The following VAPB variants were observed in gnomAD, a reference collection of about 807,000 sequenced individuals.
VAPB encodes the protein vesicle-associated membrane protein-associated protein B/C.
A neutral mutation model predicts 25.6 loss-of-function variants in VAPB; 7 were observed. That is an observed-to-expected ratio of 0.27 (90% CI 0.16 to 0.51). The LOEUF (loss-of-function observed/expected upper bound fraction) is 0.51. Among genes scored for constraint, VAPB ranks in the 20% least tolerant of loss-of-function variants. VAPB has a pLI of 0.97. For missense variants in VAPB, 266 were observed against 301.3 expected (o/e 0.88, Z 0.87); for synonymous variants, 112 against 109.2 (o/e 1.03, Z -0.16).
chr20:58,426,577 G>A (rs1175765725), intron 2 of VAPB, among the ~76,000 whole-genome samples: 1 of 152,164 alleles, frequency 6.6e-6, no homozygotes, highest in Non-Finnish European at 1.5e-5. Flanking sequence ...CAGAAGGGAG[G>A]CCTGCCAATA....
Position 58,449,797 on chromosome 20 carries a change from T to TC in VAPB, c.*5563dup. The TC allele has an allele frequency of 2.2e-6, 1 of 454,118 alleles. No individual in the cohort carries two copies. Among genetic ancestry groups the TC allele is most frequent in the Non-Finnish European group, 4.4e-6 (1 of 226,774 alleles). 28.1% of individuals were successfully genotyped at this position (454,118 alleles called of 1,614,324 possible). On this transcript the variant is annotated 3_prime_UTR_variant, in exon 6 of 6. Transcript: ENST00000475243. ...ATGGATGTGGGTGCAGGACAGATGC[T>TC]CGCTTGCTGGCCTGCTTTCCTGCTT...
intron 1 of VAPB, among the ~76,000 whole-genome samples, chr20:58,400,296 G>T (rs1600774716): frequency 6.6e-6 from 1 of 152,282 alleles, no homozygotes; most frequent in African/African-American, 2.4e-5. Context: ...GAGAACTTAA[G>T]TTTATTTTAG....
chr20:58,415,544 T>C (rs185205476), intron 1 of VAPB, among the ~76,000 whole-genome samples: 1 of 152,350 alleles, frequency 6.6e-6, no homozygotes, highest in East Asian at 1.9e-4. Context: ...GAATAGAAGA[T>C]TAAAAATGAT....
At chr20:58,393,966 AG>A (rs1349980771) in intron 1 of VAPB, among the ~76,000 whole-genome samples, 1 of 152,228 alleles carries the variant, frequency 6.6e-6, no homozygotes, top group Non-Finnish European at 1.5e-5. Flanking sequence ...TCCCGACCTC[AG>A]GTGATCCACC....
chr20:58,442,122 T>C (rs1989174796), intron 5 of VAPB, among the ~76,000 whole-genome samples: 1 of 152,176 alleles, frequency 6.6e-6, no homozygotes, highest in African/African-American at 2.4e-5. Flanking sequence ...TAGGCCTCTG[T>C]TTGCTAAACA....
Position 58,445,310 on chromosome 20 carries a change from C to T in VAPB, c.*1075C>T, listed in dbSNP as rs1989258355. The T allele has an allele frequency of 6.6e-6, 3 of 454,382 alleles. No homozygotes were observed. Among genetic ancestry groups the T allele is most frequent in the Non-Finnish European group, 1.3e-5 (3 of 226,728 alleles). 28.1% of individuals were successfully genotyped at this position (454,382 alleles called of 1,614,324 possible). On this transcript the variant is annotated 3_prime_UTR_variant, in exon 6 of 6. Transcript: ENST00000475243. Reference sequence around the variant, plus strand: ...GCCCAGGTCCAAGTCTGAGCCTGACCTCCCCTTGGGGACCTAGCCTGGAGT... The same window carrying T: ...GCCCAGGTCCAAGTCTGAGCCTGACTTCCCCTTGGGGACCTAGCCTGGAGT...
intron 5 of VAPB, among the ~76,000 whole-genome samples, chr20:58,443,142 T>C (rs1482346741): frequency 6.6e-6 from 1 of 152,202 alleles, no homozygotes; most frequent in Non-Finnish European, 1.5e-5. Flanking sequence ...TTTCATTTCT[T>C]ACATTTCCAT....
chr20:58,400,635 G>A (rs1988074671), intron 1 of VAPB, among the ~76,000 whole-genome samples: 1 of 152,144 alleles, frequency 6.6e-6, no homozygotes, highest in South Asian at 2.1e-4. Flanking sequence ...TTTCTGAGTA[G>A]ACTACATAGA....
intron 1 of VAPB, among the ~76,000 whole-genome samples, chr20:58,405,526 G>A (rs1446104822): frequency 2.6e-5 from 4 of 151,814 alleles, no homozygotes; most frequent in South Asian, 2.1e-4. Context: ...GTAGTGGCGC[G>A]ATCTCGGTTC....
chr20:58,394,375 T>A (rs1987896567), intron 1 of VAPB, among the ~76,000 whole-genome samples: 1 of 152,236 alleles, frequency 6.6e-6, no homozygotes, highest in African/African-American at 2.4e-5. Flanking sequence ...GTGCAGTAAT[T>A]ATCTTTCAGA....
chr20:58,389,540 T>G (rs1987732059), intron 1 of VAPB, 23 bp downstream of exon 1: 2 of 1,560,892 alleles, frequency 1.3e-6, no homozygotes, highest in Admixed American at 1.9e-5. Context: ...GGCCGCCACC[T>G]TCCTGCCCGC....
chr20:58,444,146 G>A lies in VAPB; in HGVS notation c.643G>A (p.Gly215Arg), dbSNP rs765382321. The change falls in exon 6 of 6, where the codon GGG (glycine) becomes AGG (arginine). Residue 215 changes from glycine to arginine, a missense_variant. Physicochemically the swap from Gly to Arg is moderately radical, Grantham distance 125. Coordinates refer to ENST00000475243, the MANE Select transcript of VAPB (RefSeq NM_004738.5). ...NSPISALAPTGKEEGLSTRLL... is the reference protein window; with the variant it reads ...NSPISALAPTRKEEGLSTRLL... ...CCCCATTTCAGCATTAGCCCCAACTGGGAAGGAAGAAGGCCTTAGCACCCG... is the reference window on the plus strand; with the variant it reads ...CCCCATTTCAGCATTAGCCCCAACTAGGAAGGAAGAAGGCCTTAGCACCCG... 6.2e-7 allele frequency: 1 copy of A among 1,614,200 alleles called. No individual in the cohort carries two copies. Among genetic ancestry groups the A allele is most frequent in the East Asian group, 2.2e-5 (1 of 44,884 alleles).
chr20:58,413,724 G>A (rs75322774), intron 1 of VAPB, among the ~76,000 whole-genome samples: 21 of 151,854 alleles, frequency 1.4e-4, no homozygotes, highest in African/African-American at 4.6e-4. Context: ...AGGGGCGGCC[G>A]GGCAGAGGCG....
At position 58,445,720 on chromosome 20, in the gene VAPB, G is replaced by C. The variant is rs1458480317; in HGVS notation, c.*1485G>C. Reference sequence around the variant, plus strand: ...TGTGTGTGTGTGTGTGTGTGTGTGTGTATTTTTTTTTTGGTTGTCTTCAGC... The same window carrying C: ...TGTGTGTGTGTGTGTGTGTGTGTGTCTATTTTTTTTTTGGTTGTCTTCAGC... On this transcript the variant is annotated 3_prime_UTR_variant, in exon 6 of 6. Transcript: ENST00000475243. 2 of 431,152 alleles carry C rather than the reference G, an allele frequency of 4.6e-6. No individual in the cohort carries two copies. The highest frequency in any genetic ancestry group is 9.1e-6 in the Non-Finnish European group (2 of 219,826). The allele number at this position is 431,152 out of a possible 1,614,324, so 26.7% of individuals were successfully genotyped here.
In VAPB at chr20:58,446,933, A is replaced by T; in HGVS notation, c.*2698A>T. The stretch of plus-strand genomic sequence containing the variant: ...TGAAAAAAAGAATAAGGCAAAGAGG[A>T]GGTGAATATGGGGCCTGTCACAACG... On this transcript the variant is annotated 3_prime_UTR_variant, in exon 6 of 6. Coordinates refer to ENST00000475243, the MANE Select transcript of VAPB (RefSeq NM_004738.5). 1 of 454,106 alleles carries T rather than the reference A, an allele frequency of 2.2e-6. No individual in the cohort carries two copies. The highest frequency in any genetic ancestry group is 4.4e-6 in the Non-Finnish European group (1 of 226,788). The allele number at this position is 454,106 out of a possible 1,614,324, so 28.1% of individuals were successfully genotyped here.
chr20:58,427,562 ATC>A (rs1988826546), intron 2 of VAPB, among the ~76,000 whole-genome samples: 1 of 152,006 alleles, frequency 6.6e-6, no homozygotes, highest in African/African-American at 2.4e-5. Flanking sequence ...GTGATCTGTG[ATC>A]TGTTACCATT....
chr20:58,432,653 C>T (rs933300843), intron 2 of VAPB, among the ~76,000 whole-genome samples: 2 of 152,204 alleles, frequency 1.3e-5, no homozygotes, highest in South Asian at 2.1e-4. Context: ...GTTCACAGAG[C>T]ATGTAAAGAC....
chr20:58,418,413 A>ACAGT (rs770017971), intron 2 of VAPB, 50 bp downstream of exon 2: 1 of 1,598,438 alleles, frequency 6.3e-7, no homozygotes, highest in Admixed American at 1.7e-5. Flanking sequence ...AGGCCCCTGG[A>ACAGT]CAGTAGGTTT....
At chr20:58,405,411 TTTG>T (rs1054129396) in intron 1 of VAPB, among the ~76,000 whole-genome samples, 7 of 152,094 alleles carry the variant, frequency 4.6e-5, no homozygotes, top group Non-Finnish European at 7.4e-5. Context: ...GACTTTGGAT[TTTG>T]TTGTGAGATG....
Sources: gnomAD v4.1 joint callset for allele counts (sites outside exome capture counted in the v4.1 genomes callset) on GRCh38, gnomAD v4.1.1 for gene constraint, MANE v1.5 for transcripts, NCBI Gene and HGNC (gene_info 2026-07-23, HGNC 2026-07-21) for gene names.